The following DPH5 variants were observed in gnomAD, a reference collection of about 807,000 sequenced individuals.
The protein encoded by DPH5 is diphthamide biosynthesis 5.
In DPH5, 31 loss-of-function variants were observed where a neutral mutation model predicts 31.6. The observed-to-expected ratio is 0.98, with a 90% CI of 0.74 to 1.32. The LOEUF is 1.32. Among genes scored for constraint, DPH5 ranks in the 40% most tolerant of loss-of-function variants. DPH5 has a pLI of 0.00. For synonymous variants in DPH5, 120 were observed against 115.0 expected, an observed-to-expected ratio of 1.04 and a Z score of -0.28; for missense variants, 309 against 335.7, an observed-to-expected ratio of 0.92 and a Z score of 0.62.
chr1:101,005,692 ATAAAT>A (rs1659176131), intron 4 of DPH5, among the ~76,000 whole-genome samples: 1 of 152,364 alleles, frequency 6.6e-6, no homozygotes, highest in Non-Finnish European at 1.5e-5. Context: ...GGGGGAAAAA[ATAAAT>A]AAGAAATTCA....
intron 5 of DPH5, among the ~76,000 whole-genome samples, chr1:100,999,169 G>A (rs954444196): frequency 1.3e-5 from 2 of 152,186 alleles, no homozygotes; most frequent in East Asian, 3.8e-4. Context: ...AAGACATACA[G>A]CCAGGCACCG....
chr1:100,990,402 CT>C lies in DPH5; in HGVS notation c.*5del. On this transcript the variant is annotated 3_prime_UTR_variant, in exon 8 of 8. Transcript: ENST00000370109. ...ATTTACATCAGACAATGGTAAATAT[CT>C]ATGTTCAAAGTCCATTGATGCTTTG... is the stretch of plus-strand genomic sequence containing the variant. The C allele has an allele frequency of 6.2e-7, 1 of 1,612,758 alleles. No individual in the cohort carries two copies. The highest frequency in any genetic ancestry group is 1.1e-5 in the South Asian group (1 of 91,036).
intron 4 of DPH5, 32 bp from the exon 5 acceptor site, chr1:101,001,619 C>G: frequency 7.0e-7 from 1 of 1,429,858 alleles, no homozygotes; most frequent in South Asian, 1.2e-5. Context: ...AATGATGGAA[C>G]AATTAACTAC....
chr1:101,019,301 T>C (rs749375730), intron 3 of DPH5, among the ~76,000 whole-genome samples: 2 of 152,212 alleles, frequency 1.3e-5, no homozygotes, highest in Non-Finnish European at 2.9e-5. Flanking sequence ...TGAGACTACA[T>C]GAACTTACTT....
At chr1:101,011,895 CTTTTTTTTTT>C (rs11352737) in intron 4 of DPH5, among the ~76,000 whole-genome samples, 1 of 108,172 alleles carries the variant, frequency 9.2e-6, no homozygotes, top group Non-Finnish European at 1.9e-5. Context: ...ATTATCAATT[CTTTTTTTTTT>C]TTTTTTTTTT....
At chr1:100,991,524 G>A (rs1421120133) in intron 7 of DPH5, among the ~76,000 whole-genome samples, 7 of 152,098 alleles carry the variant, frequency 4.6e-5, no homozygotes, top group Admixed American at 6.5e-5. Flanking sequence ...GCGGTGACTC[G>A]CACCTGTAAT....
At chr1:101,025,606 A>C in intron 1 of DPH5, 77 bp downstream of exon 1, 1 of 798,458 alleles carries the variant, frequency 1.3e-6, no homozygotes, top group Non-Finnish European at 1.9e-6. Flanking sequence ...TGTCACGCTT[A>C]AGAACTGGGA....
chr1:101,005,189 A>C (rs1659143220), intron 4 of DPH5, among the ~76,000 whole-genome samples: 1 of 152,224 alleles, frequency 6.6e-6, no homozygotes, highest in Non-Finnish European at 1.5e-5. Context: ...ATAACAAATA[A>C]AAATATTTTC....
chr1:101,001,382 T>C (rs1242909056), intron 5 of DPH5, 85 bp downstream of exon 5: 7 of 1,389,910 alleles, frequency 5.0e-6, no homozygotes, highest in Non-Finnish European at 5.9e-6. Context: ...TCTAGCTAAT[T>C]ATCCACAGAC....
chr1:101,009,577 G>C (rs1659485813), intron 4 of DPH5, among the ~76,000 whole-genome samples: 1 of 152,128 alleles, frequency 6.6e-6, no homozygotes, highest in Non-Finnish European at 1.5e-5. Flanking sequence ...ACTCCATACA[G>C]TACAAGCCAC....
At chr1:100,993,293 C>T (rs1657953793) in intron 6 of DPH5, among the ~76,000 whole-genome samples, 1 of 151,958 alleles carries the variant, frequency 6.6e-6, no homozygotes, top group African/African-American at 2.4e-5. Context: ...TGGCTCATGC[C>T]TGTAATCCCA....
chr1:100,994,662 G>A (rs1228381662), intron 6 of DPH5, among the ~76,000 whole-genome samples: 2 of 151,926 alleles, frequency 1.3e-5, no homozygotes, highest in African/African-American at 4.8e-5. Flanking sequence ...AAGTAGCTGA[G>A]ATTAAAGGCA....
At chr1:100,998,163 G>A (rs933566645) in intron 5 of DPH5, among the ~76,000 whole-genome samples, 1 of 152,136 alleles carries the variant, frequency 6.6e-6, no homozygotes. Context: ...CAAAGAAAAT[G>A]TGTTAGAGAA....
At chr1:100,994,258 T>C (rs1391873545) in intron 6 of DPH5, among the ~76,000 whole-genome samples, 1 of 152,196 alleles carries the variant, frequency 6.6e-6, no homozygotes, top group Non-Finnish European at 1.5e-5. Context: ...TTGATTTATA[T>C]ACTAAAGCTG....
chr1:101,020,030 C>T (rs967532998), intron 3 of DPH5, among the ~76,000 whole-genome samples: 4 of 152,222 alleles, frequency 2.6e-5, no homozygotes, highest in East Asian at 1.9e-4. Context: ...TTTAGCATAG[C>T]GGTTAAAGAG....
rs1570633538 is a variant in DPH5, at chr1:100,990,344, C to A, written c.*64G>T. ...TCAAGATGAGACTTGGGTGGGGATA[C>A]ATCCAAACCATATCAATCCATATAT... On this transcript the variant is annotated 3_prime_UTR_variant, in exon 8 of 8. Transcript: ENST00000370109. The A allele has an allele frequency of 6.9e-7, 1 of 1,450,902 alleles. No individual in the cohort carries two copies. Among genetic ancestry groups the A allele is most frequent in the East Asian group, 2.3e-5 (1 of 44,000 alleles). 89.9% of individuals were successfully genotyped at this position (1,450,902 alleles called of 1,614,324 possible). A position where few individuals can be genotyped will look rare whatever the true frequency, so the allele number is the denominator to read the frequency against.
chr1:100,992,126 G>C (rs1292510776), intron 7 of DPH5, among the ~76,000 whole-genome samples: 1 of 149,500 alleles, frequency 6.7e-6, no homozygotes, highest in Non-Finnish European at 1.5e-5. Flanking sequence ...CTCCCATAAA[G>C]ATTTATTGAC....
At chr1:100,992,828 A>C in intron 6 of DPH5, 88 bp from the exon 7 acceptor site, 1 of 826,150 alleles carries the variant, frequency 1.2e-6, no homozygotes, top group Non-Finnish European at 2.0e-6. Context: ...AGGTATACTC[A>C]AGTACCACAG....
At chr1:101,025,562 G>A (rs910040796) in intron 1 of DPH5, 96 bp from the exon 2 acceptor site, 6 of 1,264,808 alleles carry the variant, frequency 4.7e-6, no homozygotes, top group Non-Finnish European at 6.6e-6. Context: ...CACAAGAGAA[G>A]AGGCAAGTCA....
Sources: allele counts gnomAD v4.1 joint callset (sites outside exome capture counted in the v4.1 genomes callset), GRCh38; gene constraint gnomAD v4.1.1; transcripts MANE v1.5; gene names NCBI Gene and HGNC (gene_info 2026-07-23, HGNC 2026-07-21).